Variants in MNAT1 observed in about 807,000 individuals in gnomAD.
The protein encoded by MNAT1 is MNAT1 component of CDK activating kinase.
In MNAT1, 43 loss-of-function variants were observed where a neutral mutation model predicts 42.0. The observed-to-expected ratio is 1.02, with a 90% confidence interval of 0.80 to 1.32. The LOEUF (loss-of-function observed/expected upper bound fraction) is 1.32, where lower values mean the gene tolerates loss of function less well. MNAT1 is among the 40% of genes most tolerant of loss of function. MNAT1 has a pLI of 0.00. For missense variants in MNAT1, 306 were observed against 350.4 expected (o/e 0.87, Z 1.01); for synonymous variants, 118 against 120.0 (o/e 0.98, Z 0.11).
intron 1 of MNAT1, among the ~76,000 whole-genome samples, chr14:60,741,513 C>T (rs1896459460): frequency 6.6e-6 from 1 of 152,090 alleles, no homozygotes; most frequent in South Asian, 2.1e-4. Context: ...GCACGGGCCA[C>T]CACGTCTGGC....
chr14:60,762,865 A>G (rs1396386119), intron 1 of MNAT1, among the ~76,000 whole-genome samples: 2 of 152,104 alleles, frequency 1.3e-5, no homozygotes, highest in Non-Finnish European at 1.5e-5. Flanking sequence ...TACTGAGCTC[A>G]GTGGTAAATT....
rs184149523 is a variant in MNAT1 at position 60,736,296 on chromosome 14, T to G, written c.89+1345T>G. Among the ~76,000 whole-genome samples the G allele has an allele frequency of 1.7e-3, 254 of 151,006 alleles. No homozygotes were observed. In the East Asian group the frequency reaches 0.028, roughly 17 times the overall value. Reference sequence around the variant, plus strand: ...TGGTGGAACAGGAAAGAGAGTTTGTTTTTTTTTTTGGGAAGGATACTAACT... The same window carrying G: ...TGGTGGAACAGGAAAGAGAGTTTGTGTTTTTTTTTGGGAAGGATACTAACT... On this transcript the variant is annotated intron_variant, in intron 1 of 7. Coordinates refer to ENST00000261245, the MANE Select transcript of MNAT1 (RefSeq NM_002431.4).
intron 1 of MNAT1, among the ~76,000 whole-genome samples, chr14:60,776,577 G>T (rs557301800): frequency 1.3e-5 from 2 of 152,198 alleles, no homozygotes; most frequent in Admixed American, 1.3e-4. Flanking sequence ...TCCTGGGGGG[G>T]GAGGAGCAGA....
chr14:60,862,262 C>T (rs2034113481), intron 6 of MNAT1, among the ~76,000 whole-genome samples: 1 of 152,154 alleles, frequency 6.6e-6, no homozygotes, highest in Non-Finnish European at 1.5e-5. Flanking sequence ...ATTTTTATAA[C>T]TGTTAGCACA....
Position 60,740,303 on chromosome 14 carries a change from A to G in MNAT1, c.89+5352A>G, listed in dbSNP as rs964037676. 1.3e-5 allele frequency among the ~76,000 whole-genome samples: 2 copies of G among 152,238 alleles called. No homozygotes were observed. The highest frequency in any genetic ancestry group is 6.5e-5 in the Admixed American group (1 of 15,288). On this transcript the variant is annotated intron_variant, in intron 1 of 7. Transcript: ENST00000261245. This position sits in a 1 kb window ranked among gnomAD's most constrained non-coding sequence, Gnocchi z 4.1. ...CCTACCATCTTGATATATAAAGGCA[A>G]TGTTTTGTGATAGTTACTTAACATC...
chr14:60,748,803 A>G (rs144852733), intron 1 of MNAT1, among the ~76,000 whole-genome samples: 61 of 152,296 alleles, frequency 4.0e-4, no homozygotes, highest in African/African-American at 1.4e-3. Context: ...TAGTAGAAGG[A>G]GTACACTATA....
intron 6 of MNAT1, among the ~76,000 whole-genome samples, chr14:60,840,352 T>TA (rs1487380096): frequency 6.6e-6 from 1 of 152,190 alleles, no homozygotes; most frequent in Non-Finnish European, 1.5e-5. Flanking sequence ...CGAGGGTGGG[T>TA]AAAAGCATCT....
intron 7 of MNAT1, among the ~76,000 whole-genome samples, chr14:60,935,078 A>C (rs1223631191): frequency 6.6e-6 from 1 of 152,212 alleles, no homozygotes; most frequent in African/African-American, 2.4e-5. Context: ...AGAGGCTTTA[A>C]ATGAAGAATT....
intron 1 of MNAT1, among the ~76,000 whole-genome samples, chr14:60,759,038 G>A (rs1044054939): frequency 6.6e-5 from 10 of 152,102 alleles, no homozygotes; most frequent in African/African-American, 2.4e-4. Flanking sequence ...AAACTGTGTT[G>A]CCTGAGAGAT....
At chr14:60,831,083 A>G (rs554146014) in intron 6 of MNAT1, among the ~76,000 whole-genome samples, 16 of 139,334 alleles carry the variant, frequency 1.1e-4, no homozygotes, top group South Asian at 7.0e-4. Flanking sequence ...CTAAGAATGT[A>G]TTGCTGCTTT....
chr14:60,876,064 A>T (rs2034430275), intron 6 of MNAT1, among the ~76,000 whole-genome samples: 1 of 152,004 alleles, frequency 6.6e-6, no homozygotes, highest in South Asian at 2.1e-4. Flanking sequence ...CCAATGCTGG[A>T]CATTTTTTAT....
At chr14:60,761,846 T>C (rs2030612252) in intron 1 of MNAT1, among the ~76,000 whole-genome samples, 1 of 152,240 alleles carries the variant, frequency 6.6e-6, no homozygotes, top group Non-Finnish European at 1.5e-5. Flanking sequence ...CCCTTTCTTA[T>C]ATCTTGTTTT....
chr14:60,822,702 C>T (rs754673361), intron 6 of MNAT1, among the ~76,000 whole-genome samples: 24 of 151,048 alleles, frequency 1.6e-4, no homozygotes, highest in Non-Finnish European at 3.2e-4. Flanking sequence ...CCTCAGCCTT[C>T]GAAAGTGCTA....
intron 7 of MNAT1, among the ~76,000 whole-genome samples, chr14:60,926,860 C>T (rs909460639): frequency 6.6e-6 from 1 of 152,082 alleles, no homozygotes; most frequent in African/African-American, 2.4e-5. Context: ...TGGTTGGTTC[C>T]CCTTGTGAAC....
intron 5 of MNAT1, among the ~76,000 whole-genome samples, chr14:60,815,497 G>C (rs2032683992): frequency 6.6e-6 from 1 of 152,150 alleles, no homozygotes; most frequent in Admixed American, 6.5e-5. Context: ...TTACTGGTGT[G>C]AGCCACCGCG....
chr14:60,902,701 A>G (rs781737139), intron 7 of MNAT1, among the ~76,000 whole-genome samples: 5 of 152,138 alleles, frequency 3.3e-5, no homozygotes, highest in Non-Finnish European at 7.4e-5. Flanking sequence ...TCAGAGAAGA[A>G]TGGGCATTTA....
chr14:60,737,816 C>T (rs996972960), intron 1 of MNAT1, among the ~76,000 whole-genome samples: 2 of 151,004 alleles, frequency 1.3e-5, no homozygotes, highest in Non-Finnish European at 2.9e-5. Context: ...AGGGAGGGTT[C>T]GAGACCAACT....
intron 6 of MNAT1, among the ~76,000 whole-genome samples, chr14:60,860,686 A>G (rs1457421653): frequency 6.6e-6 from 1 of 152,050 alleles, no homozygotes; most frequent in Non-Finnish European, 1.5e-5. Flanking sequence ...TGCTCAAGGT[A>G]GAGCTAGGAT....
chr14:60,819,124 A>G (rs745673270), intron 6 of MNAT1, among the ~76,000 whole-genome samples: 6 of 152,084 alleles, frequency 3.9e-5, no homozygotes, highest in Non-Finnish European at 7.4e-5. Context: ...AAAAAAATTT[A>G]TAAATATTGT....
Sources: allele counts gnomAD v4.1 joint callset (sites outside exome capture counted in the v4.1 genomes callset), GRCh38; gene constraint gnomAD v4.1.1; non-coding constraint Gnocchi (gnomAD v3.1); transcripts MANE v1.5; gene names NCBI Gene and HGNC (gene_info 2026-07-23, HGNC 2026-07-21).